PRKN: variants seen among roughly 807,000 people sequenced by gnomAD.
PRKN encodes E3 ubiquitin-protein ligase parkin.
A neutral mutation model predicts 59.5 loss-of-function variants in PRKN; 56 were observed. The observed-to-expected ratio is 0.94, with a 90% CI of 0.76 to 1.18. PRKN has a LOEUF of 1.18. Ranked by LOEUF, PRKN falls within the 50% of genes most tolerant of loss-of-function variation. The pLI is 0.00. For synonymous variants in PRKN, 250 were observed against 222.1 expected (o/e 1.13, Z -1.12); for missense variants, 657 against 596.4 (o/e 1.10, Z -1.06).
intron 1 of PRKN, among the ~76,000 whole-genome samples, chr6:162,503,016 C>A (rs1562336816): frequency 6.6e-6 from 1 of 150,490 alleles, no homozygotes; most frequent in East Asian, 2.0e-4. Context: ...AATAGAATAT[C>A]TTGTATTGTA....
intron 7 of PRKN, among the ~76,000 whole-genome samples, chr6:161,752,968 G>A (rs1788757938): frequency 6.6e-6 from 1 of 152,162 alleles, no homozygotes; most frequent in South Asian, 2.1e-4. Context: ...GGTAACGCTT[G>A]TGTGAGGAAC....
At chr6:162,317,355 T>G (rs1782796913) in intron 2 of PRKN, among the ~76,000 whole-genome samples, 1 of 152,082 alleles carries the variant, frequency 6.6e-6, no homozygotes, top group Non-Finnish European at 1.5e-5. Context: ...CAAGCTCTCC[T>G]GCCTGTCTCC....
At chr6:161,633,426 T>C (rs1380975155) in intron 7 of PRKN, among the ~76,000 whole-genome samples, 1 of 152,226 alleles carries the variant, frequency 6.6e-6, no homozygotes, top group Non-Finnish European at 1.5e-5. Context: ...AGACATCCGT[T>C]AAAAGTCAGG....
At chr6:161,358,788 CTTTTTTTTTTTT>C (rs34428983) in intron 11 of PRKN, among the ~76,000 whole-genome samples, 2 of 67,820 alleles carry the variant, frequency 2.9e-5, no homozygotes, top group Admixed American at 1.9e-4. Flanking sequence ...GCCTTCTGCT[CTTTTTTTTTTTT>C]TTTTTTTTTT....
At chr6:162,414,706 G>C (rs1179677533) in intron 2 of PRKN, among the ~76,000 whole-genome samples, 1 of 32,792 alleles carries the variant, frequency 3.0e-5, no homozygotes, top group African/African-American at 2.7e-4. Context: ...GCAAGACTCC[G>C]TCTCAAAAAA....
At chr6:161,860,324 G>A (rs1757187235) in intron 6 of PRKN, among the ~76,000 whole-genome samples, 1 of 152,048 alleles carries the variant, frequency 6.6e-6, no homozygotes, top group South Asian at 2.1e-4. Context: ...CCTTTCTTTG[G>A]GTAAGTGTGT....
At chr6:162,068,723 C>G (rs1464640158) in intron 4 of PRKN, among the ~76,000 whole-genome samples, 1 of 151,390 alleles carries the variant, frequency 6.6e-6, no homozygotes, top group Non-Finnish European at 1.5e-5. Flanking sequence ...CAGGGGAAGT[C>G]TTAGATAACA....
At chr6:162,498,393 CTTTTTTTTTTTT>C (rs60024002) in intron 1 of PRKN, among the ~76,000 whole-genome samples, 2 of 21,564 alleles carry the variant, frequency 9.3e-5, no homozygotes, top group Non-Finnish European at 1.9e-4. Context: ...TCTTTCTTTC[CTTTTTTTTTTTT>C]TTTTTTTTTT....
intron 9 of PRKN, among the ~76,000 whole-genome samples, chr6:161,437,446 C>A (rs1322054231): frequency 6.6e-6 from 1 of 152,138 alleles, no homozygotes. Context: ...CATTTAATAT[C>A]TTCGGGCCTC....
chr6:162,370,223 C>T (rs1785678777), intron 2 of PRKN, among the ~76,000 whole-genome samples: 1 of 152,148 alleles, frequency 6.6e-6, no homozygotes. Context: ...CTGTCAGTCA[C>T]AATCCTTTGT....
At chr6:162,567,071 T>C (rs1248365335) in intron 1 of PRKN, among the ~76,000 whole-genome samples, 1 of 152,148 alleles carries the variant, frequency 6.6e-6, no homozygotes, top group Non-Finnish European at 1.5e-5. Context: ...TCCTTCATGA[T>C]AAAAATTCTC....
At chr6:161,960,886 T>C (rs1286905958) in intron 6 of PRKN, among the ~76,000 whole-genome samples, 1 of 152,202 alleles carries the variant, frequency 6.6e-6, no homozygotes, top group Non-Finnish European at 1.5e-5. Context: ...GAATTTTCAC[T>C]AATGAATATA....
chr6:162,404,527 T>G (rs1415487887), intron 2 of PRKN, among the ~76,000 whole-genome samples: 1 of 152,142 alleles, frequency 6.6e-6, no homozygotes, highest in Non-Finnish European at 1.5e-5. Context: ...ACTCATATTT[T>G]GAAATTTGGC....
At position 161,487,427 on chromosome 6, in the gene PRKN, C is replaced by G. The variant is rs1777365581; in HGVS notation, c.1083+61427G>C. Among the ~76,000 whole-genome samples, 1 of 152,062 alleles carries G rather than the reference C, an allele frequency of 6.6e-6. No individual in the cohort carries two copies. Among genetic ancestry groups the G allele is most frequent in the Admixed American group, 6.6e-5 (1 of 15,246 alleles). On this transcript the variant is annotated intron_variant, in intron 9 of 11. Coordinates refer to ENST00000366898, the MANE Select transcript of PRKN (RefSeq NM_004562.3). This position sits in a 1 kb window ranked among gnomAD's most constrained non-coding sequence, Gnocchi z 5.3. ...GGGATGGCAAAGGAATTTTCTAGAACTAAGAGTGTGTGTTGGGAAGGTAAT... is the reference window on the plus strand; with the variant it reads ...GGGATGGCAAAGGAATTTTCTAGAAGTAAGAGTGTGTGTTGGGAAGGTAAT...
At position 161,981,289 on chromosome 6, in the gene PRKN, G is replaced by T. The variant is rs183138884; in HGVS notation, c.619-7872C>A. Reference sequence around the variant, plus strand: ...AATAGTTCCTCGTTAGTGAGATACAGATTCTTTTCTAAGACACAACTACTA... The same window carrying T: ...AATAGTTCCTCGTTAGTGAGATACATATTCTTTTCTAAGACACAACTACTA... On this transcript the variant is annotated intron_variant, in intron 5 of 11. Coordinates refer to ENST00000366898, the MANE Select transcript of PRKN (RefSeq NM_004562.3). Among the ~76,000 whole-genome samples, 29 of 152,334 alleles carry T rather than the reference G, an allele frequency of 1.9e-4. No individual in the cohort carries two copies. In the East Asian group the frequency reaches 5.2e-3, roughly 27 times the overall value.
At chr6:162,220,990 T>G (rs1777905955) in intron 3 of PRKN, among the ~76,000 whole-genome samples, 1 of 152,206 alleles carries the variant, frequency 6.6e-6, no homozygotes, top group Admixed American at 6.5e-5. Context: ...TGGTGAGTGT[T>G]TATTTTCAAA....
At chr6:162,475,916 T>C (rs1005327284) in intron 1 of PRKN, among the ~76,000 whole-genome samples, 4 of 151,356 alleles carry the variant, frequency 2.6e-5, no homozygotes, top group African/African-American at 9.7e-5. Flanking sequence ...CATGCCCAGC[T>C]AATTTTTGTA....
chr6:161,362,438 G>A lies in PRKN; in HGVS notation c.1168-2233C>T, dbSNP rs1378753916. Among the ~76,000 whole-genome samples the A allele has an allele frequency of 1.3e-5, 2 of 152,120 alleles. No individual in the cohort carries two copies. Among genetic ancestry groups the A allele is most frequent in the African/African-American group, 4.8e-5 (2 of 41,420 alleles). ...AGCCTCCAGCCAGAGCCAGGTGGGA[G>A]GTGGAATCCAGTTTTACTACACACA... On this transcript the variant is annotated intron_variant, in intron 10 of 11. Coordinates refer to ENST00000366898, the MANE Select transcript of PRKN (RefSeq NM_004562.3). The surrounding 1 kb of genome is among the most constrained non-coding windows in gnomAD (Gnocchi z 5.2).
At chr6:161,645,230 C>T (rs1295102170) in intron 7 of PRKN, among the ~76,000 whole-genome samples, 1 of 143,378 alleles carries the variant, frequency 7.0e-6, no homozygotes, top group Non-Finnish European at 1.5e-5. Context: ...GACTAATTTC[C>T]TCAATAAATA....
Sources: allele counts gnomAD v4.1 joint callset (sites outside exome capture counted in the v4.1 genomes callset), GRCh38; gene constraint gnomAD v4.1.1; non-coding constraint Gnocchi (gnomAD v3.1); transcripts MANE v1.5; gene names NCBI Gene and HGNC (gene_info 2026-07-23, HGNC 2026-07-21).